Variants in ERBIN observed in about 807,000 individuals in gnomAD.
The protein encoded by ERBIN is erbb2 interacting protein, also known as densin-180-like protein.
Under a neutral mutation model 158.4 loss-of-function variants are expected in ERBIN, and 60 were observed. The ratio of observed to expected loss-of-function variants is 0.38; its 90% CI spans 0.31 to 0.47. The LOEUF is 0.47. ERBIN is among the 20% of genes least tolerant of loss of function. The probability of loss-of-function intolerance (pLI) is 0.99; values close to 1 mark genes in which losing one functional copy is unlikely to be tolerated. For missense variants in ERBIN, 1,610 were observed against 1,648.0 expected, an observed-to-expected ratio of 0.98 and a Z score of 0.40; for synonymous variants, 594 against 557.2, an observed-to-expected ratio of 1.07 and a Z score of -0.93.
chr5:66,032,328 TATG>T (rs1756973517), intron 14 of ERBIN, among the ~76,000 whole-genome samples: 1 of 152,180 alleles, frequency 6.6e-6, no homozygotes, highest in South Asian at 2.1e-4. Flanking sequence ...GATTCTGACT[TATG>T]ATCAAATTCA....
At chr5:65,972,113 G>A (rs983126664) in intron 1 of ERBIN, among the ~76,000 whole-genome samples, 1 of 151,530 alleles carries the variant, frequency 6.6e-6, no homozygotes, top group African/African-American at 2.4e-5. Context: ...ATTCCAAGGG[G>A]GTCTGCTATG....
rs1385178975 is a variant in ERBIN, at chr5:65,949,309, TA to T, written c.-58+22504del. Among the ~76,000 whole-genome samples the T allele has an allele frequency of 7.2e-5, 11 of 152,288 alleles. No individual in the cohort carries two copies. In the East Asian group the frequency reaches 2.1e-3, roughly 29 times the overall value. On this transcript the variant is annotated intron_variant, in intron 1 of 25. Coordinates refer to ENST00000284037, the MANE Select transcript of ERBIN (RefSeq NM_001253697.2). Reference sequence around the variant, plus strand: ...ATGAGGAGATTTTCAGACTTTCTAATAGTTACCAGTCACATCTGTGCTATAA... The same window carrying T: ...ATGAGGAGATTTTCAGACTTTCTAATGTTACCAGTCACATCTGTGCTATAA...
intron 7 of ERBIN, among the ~76,000 whole-genome samples, chr5:66,015,878 A>G (rs1369805459): frequency 6.6e-6 from 1 of 152,214 alleles, no homozygotes; most frequent in African/African-American, 2.4e-5. Flanking sequence ...TGAGAAGGAA[A>G]ACATCTCCAG....
At chr5:65,997,503 CAGAA>C (rs1752561150) in intron 4 of ERBIN, among the ~76,000 whole-genome samples, 1 of 152,082 alleles carries the variant, frequency 6.6e-6, no homozygotes, top group South Asian at 2.1e-4. Context: ...GTCCTTACCT[CAGAA>C]GGAGAGAGAA....
chr5:66,009,309 A>T (rs374883659), intron 4 of ERBIN, among the ~76,000 whole-genome samples: 38 of 152,388 alleles, frequency 2.5e-4, no homozygotes, highest in African/African-American at 8.9e-4. Flanking sequence ...AGAACTGATA[A>T]AGATTTCACT....
At position 66,040,767 on chromosome 5, in the gene ERBIN, A is replaced by G. The variant is rs114481708; in HGVS notation, c.1306+2285A>G. Among the ~76,000 whole-genome samples, 1,159 of 151,528 alleles carry G rather than the reference A, an allele frequency of 7.6e-3. 11 individuals are homozygous for G. The highest frequency in any genetic ancestry group is 0.01 in the Middle Eastern group (3 of 294). On this transcript the variant is annotated intron_variant, in intron 15 of 25. Coordinates refer to ENST00000284037, the MANE Select transcript of ERBIN (RefSeq NM_001253697.2). Reference sequence around the variant, plus strand: ...CTTAATTAATTCTATTTTTCATCCCACCTTTGTGACAGGTATCGTGCTAGA... The same window carrying G: ...CTTAATTAATTCTATTTTTCATCCCGCCTTTGTGACAGGTATCGTGCTAGA...
intron 21 of ERBIN, chr5:66,069,086 T>A: frequency 7.3e-7 from 1 of 1,369,054 alleles, no homozygotes. Context: ...TTTAAGTGTT[T>A]TAATGTTTCC....
rs775307556 is a variant in ERBIN, at chr5:66,044,260, T to A, written c.1552T>A (p.Leu518Met). 3 of 1,609,742 alleles carry A rather than the reference T, an allele frequency of 1.9e-6. No individual in the cohort carries two copies. In the East Asian group the frequency reaches 6.7e-5, roughly 36 times the overall value. Residue 518 changes from leucine (L) to methionine (M), a missense_variant, in exon 17 of 26, where the codon TTG (leucine) becomes ATG (methionine). This residue lies in a region of ERBIN where 596 missense variants were observed against 711.9 expected (regional missense o/e 0.84). Transcript: ENST00000284037. ...EETNEDSGRD[L>M]KPHEDQQDIN... Reference sequence around the variant, plus strand: ...GACCAATGAAGACTCAGGAAGAGATTTGAAACCACATGAAGATCAACAAGA... The same window carrying A: ...GACCAATGAAGACTCAGGAAGAGATATGAAACCACATGAAGATCAACAAGA...
At chr5:66,033,373 G>A (rs1474024279) in intron 14 of ERBIN, among the ~76,000 whole-genome samples, 2 of 152,070 alleles carry the variant, frequency 1.3e-5, no homozygotes, top group South Asian at 4.1e-4. Flanking sequence ...GAATCCTGAG[G>A]AACCCCAACA....
At chr5:66,055,367 A>C (rs994137169) in intron 21 of ERBIN, among the ~76,000 whole-genome samples, 17 of 152,236 alleles carry the variant, frequency 1.1e-4, no homozygotes, top group Middle Eastern at 3.4e-3. Context: ...TTCATCTAAT[A>C]TTTTTTCCCC....
intron 1 of ERBIN, among the ~76,000 whole-genome samples, chr5:65,943,711 A>G (rs1745363404): frequency 6.6e-6 from 1 of 152,210 alleles, no homozygotes; most frequent in African/African-American, 2.4e-5. Flanking sequence ...TAAAATACAA[A>G]TAAAATATCT....
chr5:65,991,623 A>C (rs1249213096), intron 2 of ERBIN, among the ~76,000 whole-genome samples: 1 of 152,178 alleles, frequency 6.6e-6, no homozygotes, highest in South Asian at 2.1e-4. Context: ...TATTTCTTCA[A>C]GTTAATTGCT....
intron 2 of ERBIN, among the ~76,000 whole-genome samples, chr5:65,992,180 C>T (rs140204276): frequency 6.6e-6 from 1 of 152,058 alleles, no homozygotes; most frequent in African/African-American, 2.4e-5. Context: ...GTTTGAGTCT[C>T]GCTCTGTTGC....
rs1186328326 is a variant in ERBIN, at chr5:65,927,132, TATAGAG to T, written c.-58+327_-58+332del. Among the ~76,000 whole-genome samples, 6 of 152,238 alleles carry T rather than the reference TATAGAG, an allele frequency of 3.9e-5. 1 individual carries two copies. In the South Asian group the frequency reaches 1.2e-3, roughly 32 times the overall value. The stretch of plus-strand genomic sequence containing the variant: ...CCAGAAGTTTTGGCTTTCTGGAACG[TATAGAG>T]TGTATATTAAGTTGCTCAGCCAGGC... On this transcript the variant is annotated intron_variant, in intron 1 of 25. Coordinates refer to ENST00000284037, the MANE Select transcript of ERBIN (RefSeq NM_001253697.2).
At position 66,024,265 on chromosome 5, in the gene ERBIN, A is replaced by G. The variant is rs372598667; in HGVS notation, c.673-41A>G. The G allele has an allele frequency of 1.3e-4, 172 of 1,302,912 alleles. 2 individuals carry two copies. Among genetic ancestry groups the G allele is most frequent in the Middle Eastern group, 1.1e-3 (4 of 3,716 alleles). The allele number at this position is 1,302,912 out of a possible 1,614,324, so 80.7% of individuals were successfully genotyped here. On this transcript the variant is annotated intron_variant, in intron 9 of 25. Transcript: ENST00000284037. Reference sequence around the variant, plus strand: ...TTCCCTAAACTTTTTACAAATTACTAATGTTAATAGAGTCATTAGATTTTC... The same window carrying G: ...TTCCCTAAACTTTTTACAAATTACTGATGTTAATAGAGTCATTAGATTTTC...
intron 21 of ERBIN, 136 bp from the exon 22 acceptor site, chr5:66,072,033 A>G (rs755223320): frequency 4.2e-5 from 31 of 742,020 alleles, no homozygotes; most frequent in Non-Finnish European, 6.4e-5. Flanking sequence ...GGCAGTAATG[A>G]TGGCAGTGTT....
intron 14 of ERBIN, among the ~76,000 whole-genome samples, chr5:66,031,205 T>C (rs1406864750): frequency 1.3e-5 from 2 of 152,226 alleles, no homozygotes; most frequent in Admixed American, 6.5e-5. Context: ...ATTGTTCTAC[T>C]ATTTAATGTT....
At chr5:65,943,528 A>G (rs1003359227) in intron 1 of ERBIN, among the ~76,000 whole-genome samples, 2 of 152,198 alleles carry the variant, frequency 1.3e-5, no homozygotes, top group Admixed American at 6.5e-5. Context: ...AAGCTCTCCC[A>G]TCATTACTTT....
chr5:66,032,662 G>A (rs1757005846), intron 14 of ERBIN, among the ~76,000 whole-genome samples: 1 of 152,126 alleles, frequency 6.6e-6, no homozygotes, highest in Non-Finnish European at 1.5e-5. Context: ...GATTCATCAG[G>A]GGTTAGTGCC....
Sources: allele counts gnomAD v4.1 joint callset (sites outside exome capture counted in the v4.1 genomes callset), GRCh38; gene constraint gnomAD v4.1.1; regional missense constraint gnomAD v4.1.1; transcripts MANE v1.5; gene names NCBI Gene and HGNC (gene_info 2026-07-23, HGNC 2026-07-21).